Variants in SLC5A12 observed in about 807,000 individuals in gnomAD.
The protein encoded by SLC5A12 is solute carrier family 5 member 12.
SLC5A12 carries 46 observed loss-of-function variants against 72.7 expected under a neutral mutation model. The observed-to-expected ratio is 0.63, with a 90% confidence interval of 0.50 to 0.81. The LOEUF (loss-of-function observed/expected upper bound fraction) is 0.81. Among genes scored for constraint, SLC5A12 ranks in the 30% least tolerant of loss-of-function variants. The pLI is 0.00. For missense variants in SLC5A12, 683 were observed against 740.7 expected (o/e 0.92, Z 0.90); for synonymous variants, 275 against 264.4 (o/e 1.04, Z -0.39).
chr11:26,686,495 G>GAA lies in SLC5A12; in HGVS notation c.1202_1203insTT (p.Met402SerfsTer33), dbSNP rs1854537863. On this transcript the variant is annotated frameshift_variant, in exon 10 of 15. Coordinates refer to ENST00000396005, the MANE Select transcript of SLC5A12 (RefSeq NM_178498.4). LOFTEE classifies it high-confidence loss of function. ...TCGTTACCTGCACAACACCTCCCATGACAGATGCAGCCACAGCCATAGAGG... is the reference window on the plus strand; with the variant it reads ...TCGTTACCTGCACAACACCTCCCATGAAACAGATGCAGCCACAGCCATAGAGG... 1 of 1,613,940 alleles carries GAA rather than the reference G, an allele frequency of 6.2e-7. No individual in the cohort carries two copies. The highest frequency in any genetic ancestry group is 2.2e-5 in the East Asian group (1 of 44,852).
intron 7 of SLC5A12, 72 bp from the exon 8 acceptor site, chr11:26,697,324 A>C: frequency 7.5e-7 from 1 of 1,335,254 alleles, no homozygotes; most frequent in Non-Finnish European, 1.0e-6. Context: ...AAGAGAGAGA[A>C]AAAAATAGGA....
In SLC5A12 at chr11:26,683,937, G is replaced by A. The variant is rs970535616; in HGVS notation, c.1222-94C>T. 1.4e-5 allele frequency: 13 copies of A among 927,406 alleles called. No homozygotes were observed. The African/African-American group carries it at 2.1e-4, about 15-fold the overall frequency. 57.4% of individuals were successfully genotyped at this position (927,406 alleles called of 1,614,324 possible). A position where few individuals can be genotyped will look rare whatever the true frequency, so the allele number is the denominator to read the frequency against. ...TCTCTTGGACCTGGGATAATATTGGGTCCTAGTCCTGACTGTGCCATTTGT... is the reference window on the plus strand; with the variant it reads ...TCTCTTGGACCTGGGATAATATTGGATCCTAGTCCTGACTGTGCCATTTGT... On this transcript the variant is annotated intron_variant, in intron 10 of 14. Transcript: ENST00000396005.
chr11:26,705,150 G>A (rs942776494), intron 4 of SLC5A12, among the ~76,000 whole-genome samples: 1 of 152,034 alleles, frequency 6.6e-6, no homozygotes. Context: ...AATTAATTAA[G>A]GTCTGGATTG....
At chr11:26,686,391 G>C in intron 10 of SLC5A12, 86 bp downstream of exon 10, 2 of 1,201,236 alleles carry the variant, frequency 1.7e-6, no homozygotes, top group Non-Finnish European at 2.5e-6. Flanking sequence ...GTCAGCCTTT[G>C]GATCTTGGAG....
chr11:26,714,672 A>C (rs868713945), intron 1 of SLC5A12, among the ~76,000 whole-genome samples: 4 of 152,296 alleles, frequency 2.6e-5, no homozygotes, highest in Middle Eastern at 3.4e-3. Context: ...GAATTAAAAA[A>C]ATCATTTTGA....
At chr11:26,722,323 C>G (rs919266701), upstream of SLC5A12, among the ~76,000 whole-genome samples, 1 of 152,102 alleles carries the variant, frequency 6.6e-6, no homozygotes, top group African/African-American at 2.4e-5. Flanking sequence ...GACCTTTGCT[C>G]GAGTCCTGGC....
intron 6 of SLC5A12, 83 bp downstream of exon 6, chr11:26,703,448 C>CACACACACACACACACA (rs1554994290): frequency 1.0e-5 from 9 of 892,010 alleles, no homozygotes; most frequent in Non-Finnish European, 1.4e-5. Flanking sequence ...ACACACACAC[C>CACACACACACACACACA]CCCCAAGAGG....
chr11:26,710,711 A>C (rs2133210084), intron 3 of SLC5A12, among the ~76,000 whole-genome samples: 1 of 152,200 alleles, frequency 6.6e-6, no homozygotes, highest in African/African-American at 2.4e-5. Context: ...TATCAAGATA[A>C]AAAGGACTTT....
At chr11:26,703,735 G>A in intron 5 of SLC5A12, 58 bp downstream of exon 5, 1 of 1,612,730 alleles carries the variant, frequency 6.2e-7, no homozygotes, top group Non-Finnish European at 8.5e-7. Context: ...ATTATTTTAG[G>A]TGATAAGGTC....
chr11:26,677,868 C>T (rs1037299574), intron 13 of SLC5A12, among the ~76,000 whole-genome samples: 1 of 152,012 alleles, frequency 6.6e-6, no homozygotes, highest in South Asian at 2.1e-4. Context: ...AAATAGAATA[C>T]CTTAAAATTT....
At chr11:26,707,575 C>G (rs527590176) in intron 4 of SLC5A12, among the ~76,000 whole-genome samples, 1 of 152,034 alleles carries the variant, frequency 6.6e-6, no homozygotes, top group South Asian at 2.1e-4. Flanking sequence ...ATTGTCTCTT[C>G]AAATACATTT....
chr11:26,703,954 T>A lies in SLC5A12; in HGVS notation c.526-7A>T, dbSNP rs780042830. The A allele has an allele frequency of 1.2e-6, 2 of 1,613,332 alleles. No individual in the cohort carries two copies. Among genetic ancestry groups the A allele is most frequent in the Admixed American group, 3.3e-5 (2 of 59,964 alleles). On this transcript the variant is annotated splice_region_variant and splice_polypyrimidine_tract_variant and intron_variant, in intron 4 of 14. Coordinates refer to ENST00000396005, the MANE Select transcript of SLC5A12 (RefSeq NM_178498.4). ...CCACTGCTTTTAATCCTCCCTGAAATAGAGAGAATGTTTGAGTCCTTGAAA... is the reference window on the plus strand; with the variant it reads ...CCACTGCTTTTAATCCTCCCTGAAAAAGAGAGAATGTTTGAGTCCTTGAAA...
intron 1 of SLC5A12, among the ~76,000 whole-genome samples, chr11:26,719,635 T>C (rs770725673): frequency 1.3e-5 from 2 of 152,200 alleles, no homozygotes; most frequent in Non-Finnish European, 2.9e-5. Flanking sequence ...CTAGGGCCTT[T>C]GCATCTGTGA....
At chr11:26,699,227 A>G (rs549266658) in intron 6 of SLC5A12, among the ~76,000 whole-genome samples, 79 of 152,338 alleles carry the variant, frequency 5.2e-4, no homozygotes, top group Admixed American at 1.0e-3. Flanking sequence ...CAGAGAGGAC[A>G]TGAAAGTAGG....
chr11:26,682,871 G>C (rs1854442183), intron 11 of SLC5A12, among the ~76,000 whole-genome samples: 2 of 152,026 alleles, frequency 1.3e-5, no homozygotes, highest in Non-Finnish European at 2.9e-5. Flanking sequence ...CTTGGGAAGT[G>C]CTGCAAAGAC....
chr11:26,687,405 A>T (rs1854562608), intron 9 of SLC5A12, among the ~76,000 whole-genome samples: 1 of 152,170 alleles, frequency 6.6e-6, no homozygotes, highest in Non-Finnish European at 1.5e-5. Context: ...ATTCTTTTTG[A>T]GCATTCTCTG....
chr11:26,705,119 G>A (rs761818255), intron 4 of SLC5A12, among the ~76,000 whole-genome samples: 1 of 152,022 alleles, frequency 6.6e-6, no homozygotes, highest in African/African-American at 2.4e-5. Flanking sequence ...TAACATTTAA[G>A]CCCTATCCCC....
At chr11:26,705,288 C>T (rs1312543522) in intron 4 of SLC5A12, among the ~76,000 whole-genome samples, 1 of 151,638 alleles carries the variant, frequency 6.6e-6, no homozygotes, top group Non-Finnish European at 1.5e-5. Flanking sequence ...GTATAGAAGC[C>T]CTTAGGATGA....
rs148837005 is a variant in SLC5A12, at chr11:26,697,394, T to G, written c.952-142A>C. 142 of 675,086 alleles carry G rather than the reference T, an allele frequency of 2.1e-4. 2 individuals are homozygous for G. In the East Asian group the frequency reaches 4.0e-3, roughly 19 times the overall value. The allele number at this position is 675,086 out of a possible 1,614,324, so 41.8% of individuals were successfully genotyped here. On this transcript the variant is annotated intron_variant, in intron 7 of 14. Coordinates refer to ENST00000396005, the MANE Select transcript of SLC5A12 (RefSeq NM_178498.4). ...AACATAGCTGTTTAGCAAAAGGAGG[T>G]AGGAAGTTTATTTTCCTTGTTTTCA...
Sources: allele counts gnomAD v4.1 joint callset (sites outside exome capture counted in the v4.1 genomes callset), GRCh38; gene constraint gnomAD v4.1.1; transcripts MANE v1.5; gene names NCBI Gene and HGNC (gene_info 2026-07-23, HGNC 2026-07-21).